Variants in ABHD17B observed in about 807,000 individuals in gnomAD.
ABHD17B encodes the protein abhydrolase domain containing 17B, depalmitoylase, also known as alpha/beta hydrolase domain-containing protein 17B.
A neutral mutation model predicts 26.2 loss-of-function variants in ABHD17B; 9 were observed. That is an observed-to-expected ratio of 0.34 (90% CI 0.21 to 0.60). The LOEUF (loss-of-function observed/expected upper bound fraction) is 0.60. Ranked by LOEUF, ABHD17B falls within the 20% of genes least tolerant of loss-of-function variation. The pLI is 0.80. For synonymous variants in ABHD17B, 127 were observed against 122.3 expected (o/e 1.04, Z -0.25); for missense variants, 224 against 352.1 (o/e 0.64, Z 2.91).
intron 1 of ABHD17B, among the ~76,000 whole-genome samples, chr9:71,890,464 T>A (rs945288527): frequency 6.6e-6 from 1 of 152,254 alleles, no homozygotes; most frequent in Non-Finnish European, 1.5e-5. Flanking sequence ...TGTAATCATA[T>A]ACCATTATTG....
intron 1 of ABHD17B, among the ~76,000 whole-genome samples, chr9:71,877,581 C>A (rs950609152): frequency 6.6e-6 from 1 of 152,158 alleles, no homozygotes. Flanking sequence ...CCATGCCCAG[C>A]TAATTTTTGT....
At position 71,865,433 on chromosome 9, in the gene ABHD17B, G is replaced by A; in HGVS notation, c.*1354C>T. On this transcript the variant is annotated 3_prime_UTR_variant, in exon 4 of 4. Transcript: ENST00000333421. ...TTCAAGGAAAGGCAACTTAGTTTTT[G>A]TATGTGTGAGCTTTATTTTTTTACT... 1 of 984,342 alleles carries A rather than the reference G, an allele frequency of 1.0e-6. No individual in the cohort carries two copies. Among genetic ancestry groups the A allele is most frequent in the Non-Finnish European group, 1.2e-6 (1 of 828,972 alleles). The allele number at this position is 984,342 out of a possible 1,614,324, so 61.0% of individuals were successfully genotyped here. A position where few individuals can be genotyped will look rare whatever the true frequency, so the allele number is the denominator to read the frequency against.
At chr9:71,891,957 G>C (rs1440383085) in intron 1 of ABHD17B, among the ~76,000 whole-genome samples, 2 of 152,172 alleles carry the variant, frequency 1.3e-5, no homozygotes, top group East Asian at 3.8e-4. Flanking sequence ...ATAGCACAGT[G>C]TAGTCCAAAG....
chr9:71,877,111 T>G (rs535816958), intron 1 of ABHD17B, among the ~76,000 whole-genome samples: 20 of 152,300 alleles, frequency 1.3e-4, no homozygotes, highest in African/African-American at 3.8e-4. Context: ...AAATTAGTGA[T>G]GTTTACTATA....
chr9:71,890,849 T>C (rs770285407), intron 1 of ABHD17B, among the ~76,000 whole-genome samples: 1 of 152,178 alleles, frequency 6.6e-6, no homozygotes, highest in African/African-American at 2.4e-5. Flanking sequence ...CTTAAAGACA[T>C]GTTTAGACCC....
At chr9:71,873,935 C>T (rs1197580994) in intron 2 of ABHD17B, among the ~76,000 whole-genome samples, 1 of 152,040 alleles carries the variant, frequency 6.6e-6, no homozygotes, top group African/African-American at 2.4e-5. Flanking sequence ...AAAATAATTC[C>T]AATAAGGTAT....
At chr9:71,879,379 A>C (rs1276469762) in intron 1 of ABHD17B, among the ~76,000 whole-genome samples, 2 of 152,222 alleles carry the variant, frequency 1.3e-5, no homozygotes, top group Non-Finnish European at 2.9e-5. Flanking sequence ...AGACTACTTA[A>C]GAGGTAAAAA....
chr9:71,898,762 C>T (rs1827041921), intron 1 of ABHD17B, among the ~76,000 whole-genome samples: 1 of 152,080 alleles, frequency 6.6e-6, no homozygotes, highest in African/African-American at 2.4e-5. Context: ...CTTTGGGAGG[C>T]CGAGGTAGGT....
At chr9:71,900,333 C>T (rs17057266) in intron 1 of ABHD17B, among the ~76,000 whole-genome samples, 2,053 of 152,206 alleles carry the variant, frequency 0.013, 33 homozygotes, top group African/African-American at 0.035. Flanking sequence ...GGTGATTTCC[C>T]GCTTAAAAAC....
At chr9:71,904,985 TGAAA>T (rs1463114740) in intron 1 of ABHD17B, among the ~76,000 whole-genome samples, 5 of 152,094 alleles carry the variant, frequency 3.3e-5, no homozygotes, top group Non-Finnish European at 7.4e-5. Context: ...AAAGATGCTC[TGAAA>T]GAATTTTTAT....
chr9:71,899,128 A>T (rs1489653080), intron 1 of ABHD17B, among the ~76,000 whole-genome samples: 1 of 152,160 alleles, frequency 6.6e-6, no homozygotes, highest in African/African-American at 2.4e-5. Flanking sequence ...TCAGGGAAAA[A>T]AAAAAAAAAG....
At chr9:71,889,253 G>A (rs1826705642) in intron 1 of ABHD17B, among the ~76,000 whole-genome samples, 1 of 151,480 alleles carries the variant, frequency 6.6e-6, no homozygotes, top group South Asian at 2.1e-4. Flanking sequence ...GGAGGTACAG[G>A]CTGCAGTGAG....
At chr9:71,892,780 GT>G (rs1052508649) in intron 1 of ABHD17B, among the ~76,000 whole-genome samples, 12 of 18,790 alleles carry the variant, frequency 6.4e-4, no homozygotes, top group African/African-American at 7.3e-4. Context: ...GGGAAATAAT[GT>G]TGTGTTTTTT....
At chr9:71,902,954 GT>G (rs1414988787) in intron 1 of ABHD17B, among the ~76,000 whole-genome samples, 1 of 152,120 alleles carries the variant, frequency 6.6e-6, no homozygotes, top group Non-Finnish European at 1.5e-5. Flanking sequence ...TTTACTTCAA[GT>G]TTCTTGTGAT....
At chr9:71,893,325 C>G (rs932576377) in intron 1 of ABHD17B, among the ~76,000 whole-genome samples, 10 of 152,208 alleles carry the variant, frequency 6.6e-5, no homozygotes, top group Non-Finnish European at 5.9e-5. Context: ...CACTTCCAAT[C>G]CCAATCTAAA....
At chr9:71,864,213 C>CT (rs762446648), downstream of ABHD17B, among the ~76,000 whole-genome samples, 8,373 of 80,296 alleles carry the variant, frequency 0.1, 1,621 homozygotes, top group African/African-American at 0.12. Flanking sequence ...GCCAAACTTT[C>CT]TTTTTTTTTT....
chr9:71,885,887 A>G (rs1337433126), intron 1 of ABHD17B, among the ~76,000 whole-genome samples: 1 of 152,190 alleles, frequency 6.6e-6, no homozygotes, highest in Non-Finnish European at 1.5e-5. Context: ...ACTAATTATT[A>G]TAAGGTTTAA....
downstream of ABHD17B, chr9:71,862,591 T>G: frequency 7.3e-7 from 1 of 1,376,734 alleles, no homozygotes; most frequent in South Asian, 1.2e-5. Context: ...TCACTTCCCT[T>G]CTTTATGTTT....
intron 1 of ABHD17B, among the ~76,000 whole-genome samples, chr9:71,878,643 A>G: frequency 6.6e-6 from 1 of 152,180 alleles, no homozygotes; most frequent in East Asian, 1.9e-4. Flanking sequence ...CAGTTTTAAT[A>G]TAAGGATAAA....
Sources: allele counts gnomAD v4.1 joint callset (sites outside exome capture counted in the v4.1 genomes callset), GRCh38; gene constraint gnomAD v4.1.1; transcripts MANE v1.5; gene names NCBI Gene and HGNC (gene_info 2026-07-23, HGNC 2026-07-21).